The following PLCB1 variants were observed in gnomAD, a reference collection of about 807,000 sequenced individuals.
The protein encoded by PLCB1 is phospholipase C beta 1, also known as 1-phosphatidylinositol 4,5-bisphosphate phosphodiesterase beta-1.
PLCB1 carries 46 observed loss-of-function variants against 161.8 expected under a neutral mutation model. The observed-to-expected ratio is 0.28, with a 90% CI of 0.22 to 0.36. PLCB1 has a LOEUF of 0.36. Ranked by LOEUF, PLCB1 falls within the 10% of genes least tolerant of loss-of-function variation. PLCB1 has a pLI of 1.00. For synonymous variants in PLCB1, 517 were observed against 503.7 expected (o/e 1.03, Z -0.35); for missense variants, 1,016 against 1,472.5 (o/e 0.69, Z 5.07).
At chr20:8,672,839 C>T (rs1053319949) in intron 9 of PLCB1, among the ~76,000 whole-genome samples, 4 of 152,154 alleles carry the variant, frequency 2.6e-5, no homozygotes, top group South Asian at 2.1e-4. Flanking sequence ...CAGCTGGGCA[C>T]GGTGGCTCAC....
chr20:8,480,736 C>A (rs1982464659), intron 3 of PLCB1, among the ~76,000 whole-genome samples: 1 of 152,170 alleles, frequency 6.6e-6, no homozygotes, highest in Non-Finnish European at 1.5e-5. Context: ...GAACTTGAAG[C>A]TCAGCTACAT....
At chr20:8,151,600 G>A (rs574716810) in intron 2 of PLCB1, among the ~76,000 whole-genome samples, 26 of 152,234 alleles carry the variant, frequency 1.7e-4, no homozygotes, top group Non-Finnish European at 3.7e-4. Flanking sequence ...TGTGTTAATC[G>A]CTTTGGCTTA....
rs10670728 is a variant in PLCB1, at chr20:8,814,577, A to ATGTGTGTGTGTGTG, written c.3423+24336_3423+24349dup. Among the ~76,000 whole-genome samples the ATGTGTGTGTGTGTG allele has an allele frequency of 6.3e-4, 92 of 145,292 alleles. 1 individual carries two copies. The highest frequency in any genetic ancestry group is 2.2e-3 in the African/African-American group (86 of 39,404). On this transcript the variant is annotated intron_variant, in intron 31 of 31. Coordinates refer to ENST00000338037, the MANE Select transcript of PLCB1 (RefSeq NM_015192.4). ...CTATCCACCTATGGTATGTACTTGC[A>ATGTGTGTGTGTGTG]TGTGTGTGTGTGTGTGTGTGTGTGT...
intron 2 of PLCB1, among the ~76,000 whole-genome samples, chr20:8,315,271 C>T (rs1419333980): frequency 6.6e-6 from 1 of 152,114 alleles, no homozygotes; most frequent in Non-Finnish European, 1.5e-5. Context: ...CAATTGCATG[C>T]AAAATAAGTG....
intron 3 of PLCB1, among the ~76,000 whole-genome samples, chr20:8,542,298 C>G (rs1985369261): frequency 6.6e-6 from 1 of 152,098 alleles, no homozygotes; most frequent in African/African-American, 2.4e-5. Context: ...TTCCTGAACA[C>G]TAATAAAGGA....
At chr20:8,309,357 GAT>G (rs1201297163) in intron 2 of PLCB1, among the ~76,000 whole-genome samples, 2 of 152,208 alleles carry the variant, frequency 1.3e-5, no homozygotes, top group Non-Finnish European at 2.9e-5. Flanking sequence ...AGGTCCTGCA[GAT>G]AGAACTAAGG....
At chr20:8,503,672 C>T (rs931711891) in intron 3 of PLCB1, among the ~76,000 whole-genome samples, 3 of 152,068 alleles carry the variant, frequency 2.0e-5, no homozygotes, top group Middle Eastern at 3.2e-3. Context: ...TGAAATTAGA[C>T]ATGACTGTGA....
chr20:8,216,704 G>A (rs1438392768), intron 2 of PLCB1, among the ~76,000 whole-genome samples: 1 of 152,040 alleles, frequency 6.6e-6, no homozygotes, highest in African/African-American at 2.4e-5. Context: ...CATATTTAAA[G>A]ATATCTTATA....
At chr20:8,267,230 C>T (rs930754858) in intron 2 of PLCB1, among the ~76,000 whole-genome samples, 1 of 140,884 alleles carries the variant, frequency 7.1e-6, no homozygotes, top group African/African-American at 3.2e-5. Flanking sequence ...TGTGCCAGAT[C>T]CCCTTGGGCT....
At chr20:8,370,440 A>C (rs1242864906) in intron 2 of PLCB1, among the ~76,000 whole-genome samples, 1 of 152,090 alleles carries the variant, frequency 6.6e-6, no homozygotes, top group Non-Finnish European at 1.5e-5. Flanking sequence ...GCACCTTTGC[A>C]GTTCTTCCCT....
chr20:8,654,639 G>A (rs1207710287), intron 7 of PLCB1, among the ~76,000 whole-genome samples: 2 of 152,082 alleles, frequency 1.3e-5, no homozygotes, highest in East Asian at 3.9e-4. Flanking sequence ...AAAAAGTAGT[G>A]TCATGTCTAG....
At chr20:8,739,164 G>C in intron 20 of PLCB1, 97 bp from the exon 21 acceptor site, 1 of 816,310 alleles carries the variant, frequency 1.2e-6, no homozygotes, top group Non-Finnish European at 2.1e-6. Context: ...AAAAGAAAGA[G>C]AAAAGAAAAG....
chr20:8,210,878 A>G (rs1311266928), intron 2 of PLCB1, among the ~76,000 whole-genome samples: 1 of 152,162 alleles, frequency 6.6e-6, no homozygotes, highest in Admixed American at 6.6e-5. Context: ...GAGATAGAAG[A>G]GGCACAAGGC....
At chr20:8,227,306 C>T (rs938078365) in intron 2 of PLCB1, among the ~76,000 whole-genome samples, 2 of 152,156 alleles carry the variant, frequency 1.3e-5, no homozygotes, top group Non-Finnish European at 2.9e-5. Flanking sequence ...GATGGTGCGG[C>T]TTTGCCTGTC....
At chr20:8,134,093 T>C (rs895948219) in intron 1 of PLCB1, among the ~76,000 whole-genome samples, 8 of 152,236 alleles carry the variant, frequency 5.3e-5, no homozygotes, top group Non-Finnish European at 1.2e-4. Context: ...TAAACATACA[T>C]CTTTTTACCA....
chr20:8,443,106 A>G (rs971563008), intron 3 of PLCB1, among the ~76,000 whole-genome samples: 1 of 151,582 alleles, frequency 6.6e-6, no homozygotes, highest in Non-Finnish European at 1.5e-5. Flanking sequence ...CACCTTCTCG[A>G]GTAGCTGGGA....
intron 2 of PLCB1, among the ~76,000 whole-genome samples, chr20:8,181,663 T>C (rs998992613): frequency 1.3e-5 from 2 of 152,120 alleles, no homozygotes; most frequent in Non-Finnish European, 2.9e-5. Context: ...AGGAATCTAA[T>C]GCCTACCATA....
intron 3 of PLCB1, among the ~76,000 whole-genome samples, chr20:8,396,020 T>G (rs1987759751): frequency 6.6e-6 from 1 of 152,082 alleles, no homozygotes; most frequent in Non-Finnish European, 1.5e-5. Flanking sequence ...AATATTCGGC[T>G]TGTAATTTAC....
chr20:8,881,891 C>T lies in PLCB1; in HGVS notation c.*42C>T, dbSNP rs368625100. The stretch of plus-strand genomic sequence containing the variant: ...TTCAGAAATTGCATGGCCACTCCAG[C>T]GTCATCGGACTCTCTCTTATTACAA... On this transcript the variant is annotated 3_prime_UTR_variant, in exon 32 of 32. Transcript: ENST00000338037. 152 of 1,229,718 alleles carry T rather than the reference C, an allele frequency of 1.2e-4. 1 individual carries two copies. Among genetic ancestry groups the T allele is most frequent in the Non-Finnish European group, 3.5e-5 (29 of 833,196 alleles). The allele number at this position is 1,229,718 out of a possible 1,614,324, so 76.2% of individuals were successfully genotyped here.
Sources: allele counts gnomAD v4.1 joint callset (sites outside exome capture counted in the v4.1 genomes callset), GRCh38; gene constraint gnomAD v4.1.1; transcripts MANE v1.5; gene names NCBI Gene and HGNC (gene_info 2026-07-23, HGNC 2026-07-21).